CASZ1: variants seen among roughly 807,000 people sequenced by gnomAD.
CASZ1 encodes zinc finger protein castor homolog 1.
CASZ1 carries 28 observed loss-of-function variants against 135.2 expected under a neutral mutation model. The observed-to-expected ratio is 0.21, with a 90% CI of 0.15 to 0.28. CASZ1 has a LOEUF of 0.28. CASZ1 is among the 10% of genes least tolerant of loss of function. The pLI is 1.00. For missense variants in CASZ1, 2,161 were observed against 2,453.3 expected, an observed-to-expected ratio of 0.88 and a Z score of 2.52; for synonymous variants, 1,068 against 1,073.4, an observed-to-expected ratio of 0.99 and a Z score of 0.10.
chr1:10,639,422 G>A lies in CASZ1; in HGVS notation c.4800C>T (p.Arg1600=). The A allele has an allele frequency of 6.4e-7, 1 of 1,562,070 alleles. No individual in the cohort carries two copies. Among genetic ancestry groups the A allele is most frequent in the South Asian group, 1.2e-5 (1 of 85,214 alleles). The change falls in exon 21 of 21, where the codon CGC becomes CGT. Residue 1600 remains arginine (R), a synonymous_variant. Transcript: ENST00000377022. This position sits in a 1 kb window ranked among gnomAD's most constrained non-coding sequence, Gnocchi z 4.0. Reference sequence around the variant, plus strand: ...CGGGGCCCTCTGCCGCGGGCTCGCCGCGCTCCTGCTTCTCGTGCTTGCGCT... The same window carrying A: ...CGGGGCCCTCTGCCGCGGGCTCGCCACGCTCCTGCTTCTCGTGCTTGCGCT... ...SHKRKHEKQE[R]GEPAAEGPAP...
In CASZ1 at chr1:10,697,084, A is replaced by T. The variant is rs1232014103; in HGVS notation, c.-23-3172T>A. On this transcript the variant is annotated intron_variant, in intron 3 of 20. Coordinates refer to ENST00000377022, the MANE Select transcript of CASZ1 (RefSeq NM_001079843.3). This position sits in a 1 kb window ranked among gnomAD's most constrained non-coding sequence, Gnocchi z 4.7. ...ACAGGCTGAGTGGGCCCTGCCCAAG[A>T]GGAAAAGGCCTTCAGTGGAGGAGCA... Among the ~76,000 whole-genome samples the T allele has an allele frequency of 1.3e-5, 2 of 152,228 alleles. No individual in the cohort carries two copies. The highest frequency in any genetic ancestry group is 2.9e-5 in the Non-Finnish European group (2 of 68,040).
rs1640681276 is a variant in CASZ1 at position 10,777,465 on chromosome 1, A to G, written c.-233-16608T>C. Among the ~76,000 whole-genome samples, 1 of 152,174 alleles carries G rather than the reference A, an allele frequency of 6.6e-6. No individual in the cohort carries two copies. Among genetic ancestry groups the G allele is most frequent in the African/African-American group, 2.4e-5 (1 of 41,424 alleles). ...AGGAAGAATTGCCATTCAGCCCCGG[A>G]TCCGGCCAGAGCACAGTCTCACTCA... On this transcript the variant is annotated intron_variant, in intron 1 of 20. Coordinates refer to ENST00000377022, the MANE Select transcript of CASZ1 (RefSeq NM_001079843.3). The surrounding 1 kb of genome is among the most constrained non-coding windows in gnomAD (Gnocchi z 4.4).
At chr1:10,738,316 G>C (rs919923221) in intron 2 of CASZ1, among the ~76,000 whole-genome samples, 41 of 152,342 alleles carry the variant, frequency 2.7e-4, no homozygotes, top group African/African-American at 8.7e-4. Flanking sequence ...GTCCCGGGAC[G>C]CTGACGCGGC....
chr1:10,685,108 T>C (rs1228008021), intron 4 of CASZ1, among the ~76,000 whole-genome samples: 1 of 152,252 alleles, frequency 6.6e-6, no homozygotes, highest in Admixed American at 6.5e-5. Flanking sequence ...AAATTACTCC[T>C]TACCCAGGAA....
rs1445081915 is a variant in CASZ1 at position 10,666,483 on chromosome 1, G to A, written c.17-912C>T. On this transcript the variant is annotated intron_variant, in intron 4 of 20. Transcript: ENST00000377022. This position sits in a 1 kb window ranked among gnomAD's most constrained non-coding sequence, Gnocchi z 5.2. ...AGCCTCGGCCAGCCTCTGCAGCCCC[G>A]GAAGGCCTGGCCAGCCCACTTCCCA... Among the ~76,000 whole-genome samples the A allele has an allele frequency of 6.6e-6, 1 of 152,106 alleles. No homozygotes were observed. The highest frequency in any genetic ancestry group is 1.5e-5 in the Non-Finnish European group (1 of 68,016).
intron 4 of CASZ1, among the ~76,000 whole-genome samples, chr1:10,673,297 G>A (rs1643465825): frequency 6.6e-6 from 1 of 152,242 alleles, no homozygotes; most frequent in Non-Finnish European, 1.5e-5. Flanking sequence ...GGCTGGCGGA[G>A]AGGATCAATT....
At chr1:10,790,296 C>T (rs763282654) in intron 1 of CASZ1, among the ~76,000 whole-genome samples, 1 of 152,344 alleles carries the variant, frequency 6.6e-6, no homozygotes, top group Non-Finnish European at 1.5e-5. Flanking sequence ...GCACAGGGAC[C>T]GGCCTTATCG....
At chr1:10,736,469 T>G (rs113606479) in intron 2 of CASZ1, among the ~76,000 whole-genome samples, 471 of 152,314 alleles carry the variant, frequency 3.1e-3, no homozygotes, top group Middle Eastern at 6.8e-3. Context: ...CCGGGCTTGT[T>G]GTTTTTAACC....
chr1:10,756,041 G>T lies in CASZ1; in HGVS notation c.-77+4660C>A, dbSNP rs749551897. Among the ~76,000 whole-genome samples the T allele has an allele frequency of 6.6e-6, 1 of 152,072 alleles. No individual in the cohort carries two copies. Among genetic ancestry groups the T allele is most frequent in the Non-Finnish European group, 1.5e-5 (1 of 67,996 alleles). ...GCACAGATGCACACGCCTCCCACCCGGACACACCCTCCCCCAGGGCCGGCC... is the reference window on the plus strand; with the variant it reads ...GCACAGATGCACACGCCTCCCACCCTGACACACCCTCCCCCAGGGCCGGCC... On this transcript the variant is annotated intron_variant, in intron 2 of 20. Coordinates refer to ENST00000377022, the MANE Select transcript of CASZ1 (RefSeq NM_001079843.3). The surrounding 1 kb of genome is among the most constrained non-coding windows in gnomAD (Gnocchi z 5.9).
At chr1:10,705,220 C>T (rs966565058) in intron 3 of CASZ1, among the ~76,000 whole-genome samples, 3 of 152,354 alleles carry the variant, frequency 2.0e-5, no homozygotes, top group Admixed American at 1.3e-4. Context: ...CCCACACTGC[C>T]CTGAGCACGT....
Position 10,755,840 on chromosome 1 carries a change from C to T in CASZ1, c.-77+4861G>A, listed in dbSNP as rs1640243553. Among the ~76,000 whole-genome samples, 1 of 152,118 alleles carries T rather than the reference C, an allele frequency of 6.6e-6. No homozygotes were observed. The highest frequency in any genetic ancestry group is 1.5e-5 in the Non-Finnish European group (1 of 68,000). ...ACATCACGGTGGGAGGTGGGGAACCCTCCTGCTCCCACCCCTCTGCACCCC... is the reference window on the plus strand; with the variant it reads ...ACATCACGGTGGGAGGTGGGGAACCTTCCTGCTCCCACCCCTCTGCACCCC... On this transcript the variant is annotated intron_variant, in intron 2 of 20. Transcript: ENST00000377022. The surrounding 1 kb of genome is among the most constrained non-coding windows in gnomAD (Gnocchi z 4.3).
intron 4 of CASZ1, among the ~76,000 whole-genome samples, chr1:10,671,202 T>G (rs926220314): frequency 1.3e-5 from 2 of 152,182 alleles, no homozygotes. Context: ...CCGCACAGGC[T>G]GGCTATCAAT....
chr1:10,696,769 C>T (rs1002236280), intron 3 of CASZ1, among the ~76,000 whole-genome samples: 5 of 152,222 alleles, frequency 3.3e-5, no homozygotes. Flanking sequence ...ACCCACACAG[C>T]CACTGGCTGG....
intron 2 of CASZ1, among the ~76,000 whole-genome samples, chr1:10,750,771 G>A (rs1001242669): frequency 2.6e-5 from 4 of 152,034 alleles, no homozygotes; most frequent in Admixed American, 2.0e-4. Context: ...ATGGTGGCGC[G>A]ACCTGTAATC....
intron 2 of CASZ1, among the ~76,000 whole-genome samples, chr1:10,746,904 T>A (rs543008763): frequency 2.0e-5 from 3 of 152,294 alleles, no homozygotes; most frequent in African/African-American, 7.2e-5. Flanking sequence ...CCTTCCCCAC[T>A]CCCAGGAGCC....
intron 5 of CASZ1, among the ~76,000 whole-genome samples, chr1:10,664,189 T>C (rs1029175019): frequency 2.0e-5 from 3 of 152,030 alleles, no homozygotes; most frequent in African/African-American, 7.2e-5. Flanking sequence ...GGGGAGGAGA[T>C]GCACCCCTTG....
chr1:10,776,427 G>C lies in CASZ1; in HGVS notation c.-233-15570C>G, dbSNP rs1449945722. On this transcript the variant is annotated intron_variant, in intron 1 of 20. Transcript: ENST00000377022. This position sits in a 1 kb window ranked among gnomAD's most constrained non-coding sequence, Gnocchi z 4.1. Reference sequence around the variant, plus strand: ...CATGGAGCCTGCCCCTTTCTCCACAGCTGCCTCTTGTCACAGGGTACCACT... The same window carrying C: ...CATGGAGCCTGCCCCTTTCTCCACACCTGCCTCTTGTCACAGGGTACCACT... Among the ~76,000 whole-genome samples the C allele has an allele frequency of 6.6e-6, 1 of 152,218 alleles. No individual in the cohort carries two copies. Among genetic ancestry groups the C allele is most frequent in the East Asian group, 1.9e-4 (1 of 5,194 alleles).
intron 11 of CASZ1, 76 bp downstream of exon 11, chr1:10,653,301 G>A (rs1291632038): frequency 6.9e-7 from 1 of 1,442,410 alleles, no homozygotes; most frequent in African/African-American, 1.4e-5. Context: ...CCCCGACTCT[G>A]CTCTGCAGCC....
At chr1:10,736,281 G>T (rs544172116) in intron 2 of CASZ1, among the ~76,000 whole-genome samples, 1 of 152,212 alleles carries the variant, frequency 6.6e-6, no homozygotes, top group African/African-American at 2.4e-5. Flanking sequence ...TCAGGTCCTA[G>T]AGAACACACA....
Sources: gnomAD v4.1 joint callset for allele counts (sites outside exome capture counted in the v4.1 genomes callset) on GRCh38, gnomAD v4.1.1 for gene constraint, Gnocchi (gnomAD v3.1) non-coding constraint, MANE v1.5 for transcripts, NCBI Gene and HGNC (gene_info 2026-07-23, HGNC 2026-07-21) for gene names.